The following NEBL variants were observed in gnomAD, a reference collection of about 807,000 sequenced individuals.
The protein encoded by NEBL is nebulette, also known as LIM and SH3 protein 2.
Under a neutral mutation model 140.2 loss-of-function variants are expected in NEBL, and 122 were observed. That is an observed-to-expected ratio of 0.87 (90% CI 0.75 to 1.01). The LOEUF (loss-of-function observed/expected upper bound fraction) is 1.01, where lower values mean the gene tolerates loss of function less well. NEBL is among the 50% of genes least tolerant of loss of function. NEBL has a pLI of 0.00. For synonymous variants in NEBL, 436 were observed against 398.9 expected, an observed-to-expected ratio of 1.09 and a Z score of -1.11; for missense variants, 1,365 against 1,231.3, an observed-to-expected ratio of 1.11 and a Z score of -1.62.
chr10:21,233,678 G>C (rs11527738), intron 3 of NEBL, among the ~76,000 whole-genome samples: 3,145 of 136,948 alleles, frequency 0.023, 72 homozygotes, highest in South Asian at 0.093. Context: ...ATCTATATAT[G>C]TATATCTAGA....
intron 2 of NEBL, among the ~76,000 whole-genome samples, chr10:21,122,303 G>C (rs1838617357): frequency 6.6e-6 from 1 of 151,906 alleles, no homozygotes; most frequent in African/African-American, 2.4e-5. Context: ...TGGAATTACA[G>C]GCATGAGCCA....
In NEBL at chr10:21,086,956, T is replaced by G. The variant is rs139932630; in HGVS notation, c.165-66755A>C. Among the ~76,000 whole-genome samples, 468 of 151,878 alleles carry G rather than the reference T, an allele frequency of 3.1e-3. 2 individuals carry two copies. Among genetic ancestry groups the G allele is most frequent in the African/African-American group, 0.011 (435 of 41,374 alleles). On this transcript the variant is annotated intron_variant, in intron 2 of 6. Coordinates refer to the NEBL transcript ENST00000417816. The stretch of plus-strand genomic sequence containing the variant: ...ACCCCAACACCAATCCCAATCAATT[T>G]GGTTGTCTGCTCAACTACCCATCTA...
chr10:20,940,224 T>A (rs1180246750), intron 4 of NEBL, among the ~76,000 whole-genome samples: 5 of 151,904 alleles, frequency 3.3e-5, no homozygotes, highest in African/African-American at 1.2e-4. Context: ...ACAGAAATTA[T>A]AACAAACTAT....
chr10:21,042,898 A>T (rs902492521), intron 2 of NEBL, among the ~76,000 whole-genome samples: 1 of 152,240 alleles, frequency 6.6e-6, no homozygotes, highest in African/African-American at 2.4e-5. Context: ...AAACCACATG[A>T]AAAGTAAAAG....
intron 1 of NEBL, among the ~76,000 whole-genome samples, chr10:21,292,632 T>C (rs1305978143): frequency 6.6e-6 from 1 of 152,228 alleles, no homozygotes. Context: ...GTGCCTATTC[T>C]TTTAAAAAGG....
At chr10:21,147,072 G>C (rs981261481) in intron 2 of NEBL, among the ~76,000 whole-genome samples, 2 of 152,144 alleles carry the variant, frequency 1.3e-5, no homozygotes, top group East Asian at 3.8e-4. Flanking sequence ...ACCAAGGAAA[G>C]CTTTGCCTCC....
chr10:21,132,199 G>T (rs757066472), intron 2 of NEBL, among the ~76,000 whole-genome samples: 1 of 152,022 alleles, frequency 6.6e-6, no homozygotes, highest in African/African-American at 2.4e-5. Flanking sequence ...CTATGGATTT[G>T]CCTGTCCTGC....
intron 3 of NEBL, among the ~76,000 whole-genome samples, chr10:21,009,723 C>T (rs1838263090): frequency 6.6e-6 from 1 of 152,216 alleles, no homozygotes; most frequent in South Asian, 2.1e-4. Flanking sequence ...CTTTTCTCTA[C>T]AGAATTTCTT....
At chr10:21,231,729 G>C (rs1283605354) in intron 3 of NEBL, among the ~76,000 whole-genome samples, 2 of 152,082 alleles carry the variant, frequency 1.3e-5, no homozygotes, top group Admixed American at 6.6e-5. Context: ...GAGGCAAAAC[G>C]AATTTGCCAA....
rs35693200 is a variant in NEBL, at chr10:21,284,210, CAAAAAAAAAA to C, written n.182+8610_182+8619del. Among the ~76,000 whole-genome samples the C allele has an allele frequency of 2.4e-4, 9 of 37,188 alleles. 1 individual carries two copies. The highest frequency in any genetic ancestry group is 1.0e-3 in the East Asian group (1 of 984). The allele number at this position is 37,188 out of a possible 152,430, so 24.4% of individuals were successfully genotyped here. A position where few individuals can be genotyped will look rare whatever the true frequency, so the allele number is the denominator to read the frequency against. On this transcript the variant is annotated intron_variant and non_coding_transcript_variant, in intron 1 of 8. Transcript: ENST00000675702. ...GGGTGACAGAGCAAGACTCCGTCTCCAAAAAAAAAAAAAAAAAAAAAAACGAAAATGAAGT... is the reference window on the plus strand; with the variant it reads ...GGGTGACAGAGCAAGACTCCGTCTCCAAAAAAAAAAAAACGAAAATGAAGT...
rs948739166 is a variant in NEBL, at chr10:21,103,231, G to A, written c.164+69152C>T. 2.0e-4 allele frequency among the ~76,000 whole-genome samples: 16 copies of A among 81,096 alleles called. No individual in the cohort carries two copies. In the East Asian group the frequency reaches 5.2e-3, roughly 26 times the overall value. 53.2% of individuals were successfully genotyped at this position (81,096 alleles called of 152,430 possible). A position where few individuals can be genotyped will look rare whatever the true frequency, so the allele number is the denominator to read the frequency against. Reference sequence around the variant, plus strand: ...TTTCAACTCCTTTTTTTTTTTTTTTGAGATGGAGTCTCACTCTGTTGCCCA... The same window carrying A: ...TTTCAACTCCTTTTTTTTTTTTTTTAAGATGGAGTCTCACTCTGTTGCCCA... On this transcript the variant is annotated intron_variant, in intron 2 of 6. Coordinates refer to the NEBL transcript ENST00000417816.
chr10:20,977,449 G>A (rs1002011631), intron 3 of NEBL, among the ~76,000 whole-genome samples: 7 of 152,096 alleles, frequency 4.6e-5, no homozygotes, highest in Non-Finnish European at 7.4e-5. Context: ...ACAAATAGAG[G>A]TAACAAACCA....
At chr10:20,865,312 C>T (rs1844163155) in intron 7 of NEBL, among the ~76,000 whole-genome samples, 1 of 152,128 alleles carries the variant, frequency 6.6e-6, no homozygotes, top group African/African-American at 2.4e-5. Context: ...AAGTGTTTTA[C>T]TCACAGTAAC....
chr10:20,804,941 G>T (rs1837468418), intron 26 of NEBL, among the ~76,000 whole-genome samples: 1 of 152,142 alleles, frequency 6.6e-6, no homozygotes, highest in Admixed American at 6.5e-5. Flanking sequence ...AGATGGTGTG[G>T]CCAGAGCAGA....
intron 2 of NEBL, chr10:21,146,698 G>T (rs1291704163): frequency 1.3e-5 from 7 of 524,658 alleles, no homozygotes; most frequent in Non-Finnish European, 2.3e-5. Flanking sequence ...TGATGGAAAA[G>T]AATTGCAATG....
intron 1 of NEBL, among the ~76,000 whole-genome samples, chr10:21,266,311 T>G (rs1842796243): frequency 6.6e-6 from 1 of 151,956 alleles, no homozygotes; most frequent in African/African-American, 2.4e-5. Context: ...CCGGCTAATT[T>G]TTGTATTTTT....
At chr10:21,015,380 C>T (rs138722717) in intron 3 of NEBL, among the ~76,000 whole-genome samples, 28 of 152,348 alleles carry the variant, frequency 1.8e-4, no homozygotes, top group East Asian at 5.8e-4. Flanking sequence ...GGCTCCAGAG[C>T]CCTGGTTCAG....
At position 21,221,759 on chromosome 10, in the gene NEBL, C is replaced by A. The variant is rs964553985; in HGVS notation, n.348+26162G>T. Among the ~76,000 whole-genome samples, 6 of 152,166 alleles carry A rather than the reference C, an allele frequency of 3.9e-5. 1 individual carries two copies. Among genetic ancestry groups the A allele is most frequent in the African/African-American group, 1.4e-4 (6 of 41,436 alleles). ...ACCTCAAGTGATCCGCCCGCCTTGA[C>A]CTCTCAGAGTGCCAGGATTACAGGC... On this transcript the variant is annotated intron_variant and non_coding_transcript_variant, in intron 3 of 8. Coordinates refer to the NEBL transcript ENST00000675702.
intron 19 of NEBL, 104 bp from the exon 20 acceptor site, chr10:20,819,620 TTAA>T: frequency 7.4e-7 from 1 of 1,352,328 alleles, no homozygotes; most frequent in African/African-American, 1.4e-5. Flanking sequence ...AGAACATTCA[TTAA>T]TAAGATCATC....
Sources: gnomAD v4.1 joint callset for allele counts (sites outside exome capture counted in the v4.1 genomes callset) on GRCh38, gnomAD v4.1.1 for gene constraint, MANE v1.5 for transcripts, NCBI Gene and HGNC (gene_info 2026-07-23, HGNC 2026-07-21) for gene names.